The following DCAF6 variants were observed in gnomAD, a reference collection of about 807,000 sequenced individuals.
DCAF6 encodes the protein DDB1- and CUL4-associated factor 6.
In DCAF6, 54 loss-of-function variants were observed where a neutral mutation model predicts 125.1. The ratio of observed to expected loss-of-function variants is 0.43; its 90% CI spans 0.35 to 0.54. The LOEUF (loss-of-function observed/expected upper bound fraction) is 0.54. Among genes scored for constraint, DCAF6 ranks in the 20% least tolerant of loss-of-function variants. The pLI is 0.01. For missense variants in DCAF6, 934 were observed against 1,161.7 expected (o/e 0.80, Z 2.85); for synonymous variants, 371 against 390.4 (o/e 0.95, Z 0.58).
At chr1:168,028,991 T>G (rs1433750410) in intron 12 of DCAF6, among the ~76,000 whole-genome samples, 1 of 152,216 alleles carries the variant, frequency 6.6e-6, no homozygotes, top group East Asian at 1.9e-4. Flanking sequence ...TTGTATTTCT[T>G]AGAACTAGTT....
At chr1:167,900,187 A>T in the DCAF6 span, among the ~76,000 whole-genome samples, 1,702 of 152,360 alleles carry the variant, frequency 0.011, 32 homozygotes, top group African/African-American at 0.031. Flanking sequence ...TACACAAAAT[A>T]TATGTATAAA....
At chr1:167,904,213 G>A in the DCAF6 span, among the ~76,000 whole-genome samples, 1 of 150,586 alleles carries the variant, frequency 6.6e-6, no homozygotes, top group African/African-American at 2.5e-5. Flanking sequence ...TCAGCCTTCC[G>A]AGCAGCTGGG....
the DCAF6 span, chr1:167,870,207 A>G: frequency 6.2e-7 from 1 of 1,607,870 alleles, no homozygotes. Flanking sequence ...GCATCAAAAT[A>G]AATCAGGATT....
chr1:167,934,674 G>A (rs1343055085), upstream of DCAF6, among the ~76,000 whole-genome samples: 1 of 152,168 alleles, frequency 6.6e-6, no homozygotes, highest in East Asian at 1.9e-4. Flanking sequence ...GGGGGAACTA[G>A]ACAACTTTCC....
chr1:168,019,258 C>A (rs1266473920), intron 11 of DCAF6, among the ~76,000 whole-genome samples: 1 of 152,132 alleles, frequency 6.6e-6, no homozygotes, highest in Non-Finnish European at 1.5e-5. Flanking sequence ...CCGTGTCAGC[C>A]AGGATGGTCT....
At chr1:167,941,898 A>C (rs1341167864) in intron 1 of DCAF6, among the ~76,000 whole-genome samples, 1 of 152,216 alleles carries the variant, frequency 6.6e-6, no homozygotes, top group Non-Finnish European at 1.5e-5. Context: ...CTTTATAAAA[A>C]ACTTCCAGAC....
At chr1:167,880,312 G>A in the DCAF6 span, 148 of 1,041,212 alleles carry the variant, frequency 1.4e-4, no homozygotes, top group African/African-American at 4.6e-4. Context: ...TTCTCTACCC[G>A]TTGGAATTAG....
chr1:168,015,817 A>G lies in DCAF6; in HGVS notation c.1415A>G (p.Lys472Arg). The G allele has an allele frequency of 6.5e-7, 1 of 1,528,362 alleles. No individual in the cohort carries two copies. The allele number at this position is 1,528,362 out of a possible 1,614,324, so 94.7% of individuals were successfully genotyped here. A position where few individuals can be genotyped will look rare whatever the true frequency, so the allele number is the denominator to read the frequency against. Residue 472 changes from lysine to arginine, a missense_variant, in exon 11 of 22, where the codon AAG becomes AGG. Lys to Arg is a conservative substitution (Grantham distance 26, BLOSUM62 2). Transcript: ENST00000367840. The part of the protein sequence containing the change: ...LRGPEIALLR[K>R]RLQQLRLKKA... ...GGCCCTGAGATAGCTTTGCTTCGTA[A>G]GCGCCTGCAACAACTGAGGCTTAAG...
intron 2 of DCAF6, among the ~76,000 whole-genome samples, chr1:167,954,845 CAA>C (rs1160854726): frequency 2.0e-5 from 3 of 152,290 alleles, no homozygotes; most frequent in Non-Finnish European, 2.9e-5. Flanking sequence ...TAAACATACA[CAA>C]AGTCATCACC....
At chr1:168,031,419 C>T (rs548459034) in intron 12 of DCAF6, among the ~76,000 whole-genome samples, 1 of 152,092 alleles carries the variant, frequency 6.6e-6, no homozygotes, top group East Asian at 1.9e-4. Context: ...AAATTATCCC[C>T]TAAGTTAGGC....
intron 2 of DCAF6, among the ~76,000 whole-genome samples, chr1:167,966,379 GA>G: frequency 6.6e-6 from 1 of 152,200 alleles, no homozygotes; most frequent in South Asian, 2.1e-4. Context: ...AACATTATGA[GA>G]TTTTTTTGCT....
chr1:167,962,741 G>T (rs979277380), intron 2 of DCAF6, among the ~76,000 whole-genome samples: 11 of 152,126 alleles, frequency 7.2e-5, no homozygotes, highest in African/African-American at 2.7e-4. Flanking sequence ...GATCACCTGA[G>T]GTCAGGAGTT....
the DCAF6 span, among the ~76,000 whole-genome samples, chr1:167,871,207 T>C: frequency 6.6e-6 from 1 of 152,210 alleles, no homozygotes; most frequent in Non-Finnish European, 1.5e-5. Flanking sequence ...TTTCTGATTC[T>C]GTGATAAAGG....
chr1:168,044,546 T>G, intron 14 of DCAF6, 39 bp from the exon 15 acceptor site: 1 of 1,460,196 alleles, frequency 6.8e-7, no homozygotes, highest in Middle Eastern at 1.8e-4. Context: ...TAATCCCTCA[T>G]GGATACCAAG....
the DCAF6 span, among the ~76,000 whole-genome samples, chr1:167,876,613 G>A: frequency 2.6e-5 from 4 of 152,210 alleles, no homozygotes; most frequent in Non-Finnish European, 5.9e-5. Flanking sequence ...CATACTGTGT[G>A]TGTATTTCTC....
At chr1:168,072,442 C>T (rs1693234603) in intron 21 of DCAF6, among the ~76,000 whole-genome samples, 2 of 151,468 alleles carry the variant, frequency 1.3e-5, no homozygotes, top group South Asian at 2.1e-4. Flanking sequence ...GTACTTATCA[C>T]TCTTAAGCTT....
chr1:167,988,623 C>T (rs1014789287), intron 5 of DCAF6, among the ~76,000 whole-genome samples: 6 of 151,556 alleles, frequency 4.0e-5, no homozygotes, highest in African/African-American at 1.5e-4. Context: ...TAAGAAAGTA[C>T]TATTCAAAAT....
chr1:167,924,754 GAT>G, the DCAF6 span, among the ~76,000 whole-genome samples: 279 of 152,206 alleles, frequency 1.8e-3, no homozygotes, highest in African/African-American at 6.1e-3. Flanking sequence ...GGTTTGAACT[GAT>G]AGGTTCAACT....
At chr1:167,972,076 G>C (rs557151370) in intron 3 of DCAF6, among the ~76,000 whole-genome samples, 1 of 152,122 alleles carries the variant, frequency 6.6e-6, no homozygotes, top group Admixed American at 6.5e-5. Context: ...GGCTGGTCTC[G>C]AACTCCTGAC....
Sources: allele counts gnomAD v4.1 joint callset (sites outside exome capture counted in the v4.1 genomes callset), GRCh38; gene constraint gnomAD v4.1.1; transcripts MANE v1.5; gene names NCBI Gene and HGNC (gene_info 2026-07-23, HGNC 2026-07-21).